The following TMC7 variants were observed in gnomAD, a reference collection of about 807,000 sequenced individuals.
TMC7 encodes transmembrane channel like 7.
A neutral mutation model predicts 82.9 loss-of-function variants in TMC7; 54 were observed. The observed-to-expected ratio is 0.65, with a 90% CI of 0.52 to 0.82. The LOEUF (loss-of-function observed/expected upper bound fraction) is 0.82. TMC7 is among the 40% of genes least tolerant of loss of function. TMC7 has a pLI of 0.00. For synonymous variants in TMC7, 350 were observed against 337.9 expected (o/e 1.04, Z -0.39); for missense variants, 820 against 901.2 (o/e 0.91, Z 1.15).
chr16:18,988,816 G>A (rs1230115763), intron 1 of TMC7, among the ~76,000 whole-genome samples: 1 of 152,144 alleles, frequency 6.6e-6, no homozygotes, highest in African/African-American at 2.4e-5. Flanking sequence ...CTGGGATGCC[G>A]AGGCTGGTGG....
At chr16:19,042,088 C>G (rs1317641424) in intron 9 of TMC7, among the ~76,000 whole-genome samples, 1 of 152,112 alleles carries the variant, frequency 6.6e-6, no homozygotes, top group East Asian at 1.9e-4. Flanking sequence ...CGTGTCCTTC[C>G]TGTTGTATCC....
chr16:19,008,463 T>C (rs1363450917), intron 1 of TMC7, among the ~76,000 whole-genome samples: 3 of 152,192 alleles, frequency 2.0e-5, no homozygotes, highest in African/African-American at 7.2e-5. Flanking sequence ...AAGACTGGTC[T>C]GGAGCGGCCT....
intron 5 of TMC7, 54 bp from the exon 6 acceptor site, chr16:19,030,170 G>C (rs546403187): frequency 5.1e-6 from 8 of 1,563,994 alleles, no homozygotes; most frequent in Middle Eastern, 2.3e-4. Context: ...CTACTCTTCT[G>C]GTTCCCTGCA....
intron 3 of TMC7, among the ~76,000 whole-genome samples, chr16:19,019,893 G>A (rs1567512895): frequency 6.6e-6 from 1 of 152,304 alleles, no homozygotes; most frequent in East Asian, 1.9e-4. Flanking sequence ...AGATTGCTAA[G>A]TATTAGACAG....
At chr16:19,012,404 A>C (rs774833722) in intron 2 of TMC7, 1 of 152,146 alleles carries the variant, frequency 6.6e-6, no homozygotes, top group Non-Finnish European at 1.5e-5. Context: ...TTCTTCCATC[A>C]AGGGACTTCC....
At position 19,059,642 on chromosome 16, in the gene TMC7, C is replaced by T. The variant is rs531463899; in HGVS notation, c.2106+148C>T. The T allele has an allele frequency of 4.2e-5, 66 of 1,557,836 alleles. No individual in the cohort carries two copies. In the African/African-American group the frequency reaches 6.6e-4, roughly 16 times the overall value. The stretch of plus-strand genomic sequence containing the variant: ...AAAACTCTGCCTTGAGGCCCAGCCG[C>T]GTCCAGCTTCATTAATTCACTGATT... On this transcript the variant is annotated intron_variant, in intron 15 of 15. Coordinates refer to ENST00000304381, the MANE Select transcript of TMC7 (RefSeq NM_024847.4).
At chr16:19,002,696 A>G (rs542147558) in intron 1 of TMC7, among the ~76,000 whole-genome samples, 19 of 152,314 alleles carry the variant, frequency 1.2e-4, no homozygotes, top group African/African-American at 4.1e-4. Flanking sequence ...CCTAAGTAAT[A>G]ATCTCCTAAT....
intron 11 of TMC7, among the ~76,000 whole-genome samples, chr16:19,046,755 C>A (rs1961290476): frequency 6.6e-6 from 1 of 151,712 alleles, no homozygotes; most frequent in Non-Finnish European, 1.5e-5. Context: ...ATCACTTGAG[C>A]CTTGGAGGTC....
intron 1 of TMC7, among the ~76,000 whole-genome samples, chr16:18,985,122 T>C (rs1165279144): frequency 4.0e-5 from 6 of 150,664 alleles, no homozygotes; most frequent in Non-Finnish European, 8.9e-5. Context: ...TAGCCAGGAG[T>C]GGTGGTGGGT....
At chr16:19,035,632 T>C (rs1960708756) in intron 6 of TMC7, 44 bp from the exon 7 acceptor site, 1 of 1,613,214 alleles carries the variant, frequency 6.2e-7, no homozygotes, top group African/African-American at 1.3e-5. Context: ...GGACTCTCTT[T>C]TGCTGTTGTT....
At chr16:19,026,784 C>G (rs1211462943) in intron 5 of TMC7, among the ~76,000 whole-genome samples, 1 of 152,042 alleles carries the variant, frequency 6.6e-6, no homozygotes, top group African/African-American at 2.4e-5. Context: ...TTTTTTGAGA[C>G]AGATTCTTGC....
intron 1 of TMC7, among the ~76,000 whole-genome samples, chr16:19,002,006 C>T (rs186235870): frequency 5.3e-5 from 8 of 152,246 alleles, no homozygotes; most frequent in South Asian, 2.1e-4. Flanking sequence ...GCACCAAATA[C>T]GGTTGGGCAA....
At chr16:19,002,170 C>T (rs1298057150) in intron 1 of TMC7, among the ~76,000 whole-genome samples, 2 of 151,680 alleles carry the variant, frequency 1.3e-5, no homozygotes, top group Admixed American at 6.6e-5. Context: ...AGGATGCTCA[C>T]CAGATGTACC....
intron 6 of TMC7, chr16:19,033,574 T>C (rs4257196): frequency 0.32 from 48,570 of 152,132 alleles, 8,078 homozygotes; most frequent in Non-Finnish European, 0.36. Flanking sequence ...GTTTGAGCTA[T>C]GCGGGAGGCT....
intron 2 of TMC7, chr16:19,012,054 C>A (rs1193458859): frequency 2.7e-5 from 4 of 150,540 alleles, no homozygotes; most frequent in African/African-American, 9.8e-5. Context: ...CACCTGAGCC[C>A]AGGAGGTTGA....
intron 11 of TMC7, 107 bp from the exon 12 acceptor site, chr16:19,046,956 A>C (rs796687281): frequency 1.1e-6 from 1 of 924,998 alleles, no homozygotes; most frequent in African/African-American, 1.7e-5. Flanking sequence ...ACATTTGACT[A>C]ACCAGTGTCC....
At chr16:19,049,418 G>A (rs1197311245) in intron 12 of TMC7, among the ~76,000 whole-genome samples, 2 of 152,192 alleles carry the variant, frequency 1.3e-5, no homozygotes, top group Non-Finnish European at 2.9e-5. Context: ...TTGAACCCAG[G>A]TTTATTTCAC....
rs574258613 is a variant in TMC7 at position 19,018,936 on chromosome 16, C to T, written c.460+2338C>T. Among the ~76,000 whole-genome samples, 29 of 152,306 alleles carry T rather than the reference C, an allele frequency of 1.9e-4. No homozygotes were observed. In the East Asian group the frequency reaches 3.9e-3, roughly 20 times the overall value. ...TGCAGTCTTGGCTCACTGCAACCTC[C>T]GCCTCACAAGTTCAAGTGATTCCCC... On this transcript the variant is annotated intron_variant, in intron 3 of 15. Transcript: ENST00000304381.
chr16:19,004,045 A>T (rs1185033813), intron 1 of TMC7, among the ~76,000 whole-genome samples: 14 of 39,504 alleles, frequency 3.5e-4, no homozygotes, highest in African/African-American at 1.5e-3. Flanking sequence ...ATAAATTTAA[A>T]AAAAAAAAAA....
Sources: gnomAD v4.1 joint callset for allele counts (sites outside exome capture counted in the v4.1 genomes callset) on GRCh38, gnomAD v4.1.1 for gene constraint, MANE v1.5 for transcripts, NCBI Gene and HGNC (gene_info 2026-07-23, HGNC 2026-07-21) for gene names.